The following ICA1 variants were observed in gnomAD, a reference collection of about 807,000 sequenced individuals.
ICA1 encodes the protein islet cell autoantigen 1, also known as 69 kDa islet cell autoantigen.
Under a neutral mutation model 71.0 loss-of-function variants are expected in ICA1, and 40 were observed. The observed-to-expected ratio is 0.56, with a 90% CI of 0.44 to 0.73. The LOEUF (loss-of-function observed/expected upper bound fraction) is 0.73. Among genes scored for constraint, ICA1 ranks in the 30% least tolerant of loss-of-function variants. The pLI is 0.00. For synonymous variants in ICA1, 207 were observed against 209.5 expected, an observed-to-expected ratio of 0.99 and a Z score of 0.10; for missense variants, 578 against 576.5, an observed-to-expected ratio of 1.00 and a Z score of -0.03.
intron 6 of ICA1, among the ~76,000 whole-genome samples, chr7:8,185,367 G>T (rs902605998): frequency 1.3e-5 from 2 of 152,000 alleles, no homozygotes; most frequent in African/African-American, 4.8e-5. Context: ...CATGCATCTG[G>T]CCATCCACAT....
intron 7 of ICA1, among the ~76,000 whole-genome samples, chr7:8,158,170 G>A (rs1319471516): frequency 6.6e-6 from 1 of 152,192 alleles, no homozygotes; most frequent in African/African-American, 2.4e-5. Flanking sequence ...GAGATGGACA[G>A]ACACAACGCT....
chr7:8,171,055 A>G (rs1380720049), intron 6 of ICA1, among the ~76,000 whole-genome samples: 1 of 151,924 alleles, frequency 6.6e-6, no homozygotes, highest in East Asian at 1.9e-4. Flanking sequence ...ATATTTTGAT[A>G]ATAATTTTTC....
At chr7:8,114,242 T>A (rs1235072403) in intron 13 of ICA1, 198 bp from the exon 14 acceptor site, 5 of 577,150 alleles carry the variant, frequency 8.7e-6, no homozygotes, top group Non-Finnish European at 1.5e-5. Flanking sequence ...AACCAGGGCC[T>A]GAAGCTCCGA....
At chr7:8,141,359 C>T (rs1795167110) in intron 10 of ICA1, among the ~76,000 whole-genome samples, 1 of 152,220 alleles carries the variant, frequency 6.6e-6, no homozygotes, top group African/African-American at 2.4e-5. Flanking sequence ...CATTGACAAA[C>T]ATCCACCCGC....
At chr7:8,139,089 TG>T (rs1449138498) in intron 10 of ICA1, 42 bp from the exon 11 acceptor site, 1 of 1,469,962 alleles carries the variant, frequency 6.8e-7, no homozygotes, top group Non-Finnish European at 9.5e-7. Context: ...CAACTCGAAA[TG>T]GTGTGCATGT....
intron 1 of ICA1, among the ~76,000 whole-genome samples, chr7:8,252,835 T>A (rs1808654611): frequency 6.6e-6 from 1 of 152,064 alleles, no homozygotes; most frequent in Admixed American, 6.6e-5. Flanking sequence ...ATATTTTGGG[T>A]TAGATCAAAT....
At chr7:8,137,200 G>A (rs1307108355) in intron 12 of ICA1, among the ~76,000 whole-genome samples, 1 of 152,082 alleles carries the variant, frequency 6.6e-6, no homozygotes, top group Non-Finnish European at 1.5e-5. Flanking sequence ...TTCTTTTACT[G>A]TGTATTTTTT....
At chr7:8,158,473 T>A (rs1313525543) in intron 7 of ICA1, 54 bp downstream of exon 7, 1 of 1,594,846 alleles carries the variant, frequency 6.3e-7, no homozygotes, top group Non-Finnish European at 8.6e-7. Context: ...CATTTTGATG[T>A]TATTTAAACC....
intron 8 of ICA1, among the ~76,000 whole-genome samples, chr7:8,152,553 TCCA>T (rs1228620631): frequency 4.9e-3 from 133 of 26,952 alleles, no homozygotes; most frequent in South Asian, 0.032. Flanking sequence ...CATCACCACC[TCCA>T]CCACCACCAC....
intron 3 of ICA1, 141 bp downstream of exon 3, chr7:8,232,449 G>T: frequency 1.8e-6 from 1 of 570,826 alleles, no homozygotes. Flanking sequence ...TAATAAATAT[G>T]CTGGGATTGA....
rs1562608959 is a variant in ICA1 at position 8,139,047 on chromosome 7, G to C, written c.956C>G (p.Thr319Ser). The C allele has an allele frequency of 1.9e-6, 3 of 1,611,852 alleles. No individual in the cohort carries two copies. Among genetic ancestry groups the C allele is most frequent in the Non-Finnish European group, 2.5e-6 (3 of 1,178,070 alleles). ...AGATAAAATACTTTTTCCATCTTCA[G>C]CTGTAATATAACATGTGCAACTGGT... ...NQRKESSSFK[T>S]EDGKSILSAL... is the part of the protein sequence containing the mutation. Residue 319 changes from threonine to serine, a missense_variant and splice_region_variant, in exon 11 of 14, where the codon ACT (threonine) becomes AGT (serine). By Grantham distance (58) the Thr-to-Ser change is moderately conservative. Transcript: ENST00000402384.
chr7:8,211,897 T>C (rs1275903254), intron 6 of ICA1, among the ~76,000 whole-genome samples: 1 of 152,152 alleles, frequency 6.6e-6, no homozygotes, highest in African/African-American at 2.4e-5. Flanking sequence ...CCACTTATAG[T>C]CCTAAGTGAA....
At chr7:8,188,775 C>T (rs1276943075) in intron 6 of ICA1, among the ~76,000 whole-genome samples, 1 of 152,146 alleles carries the variant, frequency 6.6e-6, no homozygotes, top group South Asian at 2.1e-4. Context: ...CTTTTTTGGC[C>T]ATGGCTCCCT....
intron 6 of ICA1, among the ~76,000 whole-genome samples, chr7:8,196,971 T>C (rs571139315): frequency 2.0e-4 from 31 of 152,206 alleles, no homozygotes; most frequent in African/African-American, 7.2e-4. Context: ...TCCGCCACGA[T>C]TGTGAGGCCT....
chr7:8,169,028 G>T (rs1356533067), intron 6 of ICA1, among the ~76,000 whole-genome samples: 6 of 151,972 alleles, frequency 3.9e-5, no homozygotes, highest in Admixed American at 1.3e-4. Flanking sequence ...TCAAGTCCCA[G>T]CTCCTGCCAA....
At chr7:8,169,839 T>C (rs1175997762) in intron 6 of ICA1, among the ~76,000 whole-genome samples, 1 of 151,846 alleles carries the variant, frequency 6.6e-6, no homozygotes, top group East Asian at 1.9e-4. Context: ...CGTTTTAAAT[T>C]TTGATGAAGT....
At chr7:8,225,272 T>G (rs942664309) in intron 4 of ICA1, among the ~76,000 whole-genome samples, 2 of 152,158 alleles carry the variant, frequency 1.3e-5, no homozygotes, top group Non-Finnish European at 2.9e-5. Flanking sequence ...AGCTGTCCCT[T>G]CTCCACCATT....
chr7:8,191,444 T>C (rs974781424), intron 6 of ICA1, among the ~76,000 whole-genome samples: 1 of 152,222 alleles, frequency 6.6e-6, no homozygotes. Flanking sequence ...CAGTACAGTG[T>C]TCAATAAATT....
chr7:8,138,784 A>T, intron 12 of ICA1, 56 bp downstream of exon 12: 1 of 1,321,472 alleles, frequency 7.6e-7, no homozygotes, highest in South Asian at 1.3e-5. Context: ...TACATGTAAA[A>T]GAGTAATTTA....
Sources: allele counts gnomAD v4.1 joint callset (sites outside exome capture counted in the v4.1 genomes callset), GRCh38; gene constraint gnomAD v4.1.1; transcripts MANE v1.5; gene names NCBI Gene and HGNC (gene_info 2026-07-23, HGNC 2026-07-21).